Variants in RHBDD1 observed in about 807,000 individuals in gnomAD.
RHBDD1 encodes the protein rhomboid domain containing 1.
RHBDD1 carries 38 observed loss-of-function variants against 36.3 expected under a neutral mutation model. That is an observed-to-expected ratio of 1.05 (90% confidence interval 0.81 to 1.37). RHBDD1 has a LOEUF of 1.37. Among genes scored for constraint, RHBDD1 ranks in the 40% most tolerant of loss-of-function variants. RHBDD1 has a pLI of 0.00. For missense variants in RHBDD1, 393 were observed against 377.6 expected (o/e 1.04, Z -0.34); for synonymous variants, 151 against 136.5 (o/e 1.11, Z -0.74).
chr2:226,844,789 G>A (rs1216994986), intron 3 of RHBDD1, among the ~76,000 whole-genome samples: 2 of 152,206 alleles, frequency 1.3e-5, no homozygotes, highest in Non-Finnish European at 2.9e-5. Context: ...GTTTATGAGA[G>A]AAGAAACTGG....
In RHBDD1 at chr2:226,931,440, T is replaced by C. The variant is rs771204002; in HGVS notation, c.856+17089T>C. Among the ~76,000 whole-genome samples the C allele has an allele frequency of 6.8e-4, 104 of 152,024 alleles. 1 individual carries two copies. Among genetic ancestry groups the C allele is most frequent in the Non-Finnish European group, 1.1e-3 (74 of 67,918 alleles). On this transcript the variant is annotated intron_variant, in intron 8 of 8. Transcript: ENST00000392062. ...TCACTTATAAGTGGGAGCTAAACTATGAGTATGCAAAGACATACAGAGTGG... is the reference window on the plus strand; with the variant it reads ...TCACTTATAAGTGGGAGCTAAACTACGAGTATGCAAAGACATACAGAGTGG...
Position 226,908,859 on chromosome 2 carries a change from A to C in RHBDD1, c.693A>C (p.Gln231His). ...CCAGTGTTGGTTACCCAGGACGGCA[A>C]TACTACTTTAATAGTTCAGGTAGGC... The part of the protein sequence containing the change: ...FSSSVGYPGR[Q>H]YYFNSSGSSG... Residue 231 changes from glutamine (Q) to histidine (H), a missense_variant, in exon 7 of 9, where the codon CAA becomes CAC. Coordinates refer to ENST00000392062, the MANE Select transcript of RHBDD1 (RefSeq NM_001167608.3). The C allele has an allele frequency of 6.2e-7, 1 of 1,603,912 alleles. No individual in the cohort carries two copies. The highest frequency in any genetic ancestry group is 8.5e-7 in the Non-Finnish European group (1 of 1,170,708).
chr2:226,870,315 A>G (rs1362508508), intron 5 of RHBDD1, among the ~76,000 whole-genome samples: 1 of 152,218 alleles, frequency 6.6e-6, no homozygotes, highest in Non-Finnish European at 1.5e-5. Context: ...TTTTATTATG[A>G]AATAAATCAC....
intron 8 of RHBDD1, among the ~76,000 whole-genome samples, chr2:226,965,975 C>CA (rs544525756): frequency 5.3e-5 from 8 of 151,710 alleles, no homozygotes; most frequent in Non-Finnish European, 1.0e-4. Flanking sequence ...GAAAAATCCT[C>CA]AAAAAAATAC....
At position 226,836,177 on chromosome 2, in the gene RHBDD1, C is replaced by T. The variant is rs982746661; in HGVS notation, c.-392+90C>T. On this transcript the variant is annotated intron_variant, in intron 1 of 8. Transcript: ENST00000392062. The stretch of plus-strand genomic sequence containing the variant: ...TCCCCGGGCTGCGGGAGCTGGCGGC[C>T]GGGCTGGGGCTGCTGGGCGGAGGTC... 1.3e-5 allele frequency: 2 copies of T among 153,388 alleles called. 1 individual carries two copies. Among genetic ancestry groups the T allele is most frequent in the South Asian group, 4.1e-4 (2 of 4,898 alleles). The allele number at this position is 153,388 out of a possible 1,614,324, so 9.5% of individuals were successfully genotyped here.
At chr2:226,837,600 A>C (rs955828279) in intron 1 of RHBDD1, 1 of 152,212 alleles carries the variant, frequency 6.6e-6, no homozygotes, top group African/African-American at 2.4e-5. Context: ...GCAATGGTGC[A>C]ATCTTGGATC....
chr2:226,917,244 T>A (rs1395088601), intron 8 of RHBDD1, among the ~76,000 whole-genome samples: 3 of 152,038 alleles, frequency 2.0e-5, no homozygotes, highest in Non-Finnish European at 2.9e-5. Flanking sequence ...AGTGTTGATT[T>A]TTCATAAATT....
rs143700578 is a variant in RHBDD1 at position 226,859,622 on chromosome 2, A to G, written c.-90-4982A>G. 4.6e-3 allele frequency among the ~76,000 whole-genome samples: 703 copies of G among 152,216 alleles called. 4 individuals are homozygous for G. Among genetic ancestry groups the G allele is most frequent in the African/African-American group, 0.014 (593 of 41,544 alleles). On this transcript the variant is annotated intron_variant, in intron 3 of 8. Coordinates refer to ENST00000392062, the MANE Select transcript of RHBDD1 (RefSeq NM_001167608.3). ...GGTGTTGTTGGTGATCAAAACGGAG[A>G]AGGTTATTCTTGCCCTTGGCCATTT...
At chr2:226,884,346 T>C (rs1946040685) in intron 5 of RHBDD1, among the ~76,000 whole-genome samples, 1 of 152,106 alleles carries the variant, frequency 6.6e-6, no homozygotes, top group Non-Finnish European at 1.5e-5. Flanking sequence ...CATTAGTACA[T>C]CAATTATTCT....
chr2:226,913,775 CA>C (rs1379440619), intron 7 of RHBDD1, among the ~76,000 whole-genome samples: 9 of 152,092 alleles, frequency 5.9e-5, no homozygotes, highest in Non-Finnish European at 1.3e-4. Context: ...CTGTATGAAA[CA>C]TTGGTCTGCC....
At chr2:226,943,407 G>C (rs150816565) in intron 8 of RHBDD1, among the ~76,000 whole-genome samples, 10 of 152,326 alleles carry the variant, frequency 6.6e-5, no homozygotes, top group Non-Finnish European at 1.2e-4. Context: ...TTGAATCATT[G>C]CATCGGGATT....
At chr2:226,959,797 G>C (rs1952046225) in intron 8 of RHBDD1, among the ~76,000 whole-genome samples, 1 of 152,078 alleles carries the variant, frequency 6.6e-6, no homozygotes, top group South Asian at 2.1e-4. Flanking sequence ...CATGTGGAAA[G>C]TGTATGTTTA....
At chr2:226,912,091 A>T (rs977117857) in intron 7 of RHBDD1, among the ~76,000 whole-genome samples, 1 of 152,198 alleles carries the variant, frequency 6.6e-6, no homozygotes, top group Non-Finnish European at 1.5e-5. Flanking sequence ...AAGAAGATAC[A>T]CACATGGCCA....
the RHBDD1 span, among the ~76,000 whole-genome samples, chr2:226,816,551 T>C: frequency 3.9e-5 from 6 of 152,178 alleles, no homozygotes; most frequent in Non-Finnish European, 5.9e-5. Context: ...TCTTAAACTA[T>C]GCCCCATATC....
At chr2:226,855,732 T>C (rs1031945188) in intron 3 of RHBDD1, among the ~76,000 whole-genome samples, 1 of 152,196 alleles carries the variant, frequency 6.6e-6, no homozygotes, top group Admixed American at 6.5e-5. Flanking sequence ...ACAGTCTAAG[T>C]TGTAGATATT....
chr2:226,893,921 G>C (rs1021912996), intron 5 of RHBDD1, among the ~76,000 whole-genome samples: 2 of 152,186 alleles, frequency 1.3e-5, no homozygotes, highest in Non-Finnish European at 2.9e-5. Context: ...GGTTATCTGA[G>C]CCTAAAACCT....
chr2:226,972,384 G>T (rs1055456385), intron 8 of RHBDD1, among the ~76,000 whole-genome samples: 1 of 152,178 alleles, frequency 6.6e-6, no homozygotes, highest in Non-Finnish European at 1.5e-5. Context: ...AATGAGAGGA[G>T]GGAAGAGAGA....
At chr2:226,817,380 A>C in the RHBDD1 span, among the ~76,000 whole-genome samples, 1 of 152,208 alleles carries the variant, frequency 6.6e-6, no homozygotes, top group Non-Finnish European at 1.5e-5. Context: ...CTGGTGTTCT[A>C]ATTAATGCCT....
intron 5 of RHBDD1, among the ~76,000 whole-genome samples, chr2:226,897,694 G>T (rs577116204): frequency 6.6e-6 from 1 of 152,234 alleles, no homozygotes; most frequent in African/African-American, 2.4e-5. Flanking sequence ...GCTCTGGGCC[G>T]GGTGTGGTGG....
Sources: gnomAD v4.1 joint callset for allele counts (sites outside exome capture counted in the v4.1 genomes callset) on GRCh38, gnomAD v4.1.1 for gene constraint, MANE v1.5 for transcripts, NCBI Gene and HGNC (gene_info 2026-07-23, HGNC 2026-07-21) for gene names.